The following TTC39C variants were observed in gnomAD, a reference collection of about 807,000 sequenced individuals.
TTC39C encodes the protein tetratricopeptide repeat protein 39C.
In TTC39C, 33 loss-of-function variants were observed where a neutral mutation model predicts 76.3. That is an observed-to-expected ratio of 0.43 (90% confidence interval 0.33 to 0.58). TTC39C has a LOEUF of 0.58. Ranked by LOEUF, TTC39C falls within the 20% of genes least tolerant of loss-of-function variation. The probability of loss-of-function intolerance (pLI) is 0.04; values close to 1 mark genes in which losing one functional copy is unlikely to be tolerated. For missense variants in TTC39C, 595 were observed against 701.4 expected (o/e 0.85, Z 1.71); for synonymous variants, 254 against 260.6 (o/e 0.97, Z 0.24).
intron 1 of TTC39C, among the ~76,000 whole-genome samples, chr18:24,043,995 T>C (rs2083830068): frequency 6.6e-6 from 1 of 152,170 alleles, no homozygotes; most frequent in Non-Finnish European, 1.5e-5. Context: ...TTTTCACCTA[T>C]GGGAATTAAA....
chr18:24,060,989 C>T (rs1406649789), intron 1 of TTC39C, among the ~76,000 whole-genome samples: 1 of 152,072 alleles, frequency 6.6e-6, no homozygotes, highest in Non-Finnish European at 1.5e-5. Flanking sequence ...ACATTTAAGT[C>T]ACTTTCTTTT....
intron 10 of TTC39C, among the ~76,000 whole-genome samples, chr18:24,126,184 C>T (rs2085049104): frequency 6.6e-6 from 1 of 151,830 alleles, no homozygotes; most frequent in East Asian, 1.9e-4. Flanking sequence ...GGAGATCCTG[C>T]CTACAAAAGA....
At chr18:24,053,857 A>G (rs1430782135) in intron 1 of TTC39C, among the ~76,000 whole-genome samples, 1 of 152,188 alleles carries the variant, frequency 6.6e-6, no homozygotes, top group East Asian at 1.9e-4. Context: ...TCAGATTATC[A>G]GACTCCTTAT....
intron 5 of TTC39C, 87 bp from the exon 6 acceptor site, chr18:24,082,826 T>C (rs2084393182): frequency 1.5e-6 from 2 of 1,369,758 alleles, no homozygotes; most frequent in South Asian, 1.6e-5. Context: ...TAGAGTAGTA[T>C]TGGAAGAACA....
chr18:24,034,254 A>G (rs890845399), intron 1 of TTC39C, among the ~76,000 whole-genome samples: 9 of 152,262 alleles, frequency 5.9e-5, no homozygotes, highest in African/African-American at 1.9e-4. Flanking sequence ...TCACAGTTCA[A>G]AGTACGACAG....
At chr18:24,059,418 A>C (rs113774003) in intron 1 of TTC39C, among the ~76,000 whole-genome samples, 1 of 152,042 alleles carries the variant, frequency 6.6e-6, no homozygotes, top group Non-Finnish European at 1.5e-5. Context: ...CTATGTGTCC[A>C]TATGTTCTCA....
intron 6 of TTC39C, among the ~76,000 whole-genome samples, chr18:24,089,291 A>G (rs1255857547): frequency 1.3e-5 from 2 of 152,216 alleles, no homozygotes; most frequent in Non-Finnish European, 2.9e-5. Flanking sequence ...TTGGAACAGC[A>G]TGCCTTGTCA....
intron 5 of TTC39C, among the ~76,000 whole-genome samples, chr18:24,081,539 G>A (rs1273073533): frequency 6.6e-6 from 1 of 152,064 alleles, no homozygotes; most frequent in Non-Finnish European, 1.5e-5. Context: ...TTGTTTGTTT[G>A]TTTTAGTCTG....
rs541191475 is a variant in TTC39C, at chr18:24,005,680, T to TAA, written c.-17+12656_-17+12657dup. 2.2e-4 allele frequency among the ~76,000 whole-genome samples: 30 copies of TAA among 135,230 alleles called. 1 individual carries two copies. The highest frequency in any genetic ancestry group is 2.1e-3 in the South Asian group (9 of 4,248). 88.7% of individuals were successfully genotyped at this position (135,230 alleles called of 152,430 possible). A position where few individuals can be genotyped will look rare whatever the true frequency, so the allele number is the denominator to read the frequency against. ...GGGCAACAAAGCGAGACCCTGTCTCTAAAAAAAAAAAAAAATTAAAAATAA... is the reference window on the plus strand; with the variant it reads ...GGGCAACAAAGCGAGACCCTGTCTCTAAAAAAAAAAAAAAAAATTAAAAATAA... On this transcript the variant is annotated intron_variant, in intron 1 of 13. Transcript: ENST00000304621.
intron 1 of TTC39C, among the ~76,000 whole-genome samples, chr18:24,047,939 TA>T (rs1209607040): frequency 6.6e-6 from 1 of 152,154 alleles, no homozygotes; most frequent in African/African-American, 2.4e-5. Context: ...TATGTACTCA[TA>T]AAAATTAAAA....
intron 8 of TTC39C, among the ~76,000 whole-genome samples, chr18:24,118,963 G>T (rs1324601782): frequency 1.3e-5 from 2 of 152,148 alleles, no homozygotes; most frequent in African/African-American, 4.8e-5. Context: ...ATCTGTGCTA[G>T]TATTTTTGTT....
intron 1 of TTC39C, among the ~76,000 whole-genome samples, chr18:24,001,968 G>A (rs1203601452): frequency 1.3e-5 from 2 of 151,988 alleles, no homozygotes; most frequent in African/African-American, 4.8e-5. Flanking sequence ...TGGGACTACA[G>A]GCGCCCGCCA....
intron 1 of TTC39C, among the ~76,000 whole-genome samples, chr18:23,994,661 C>T (rs771814342): frequency 7.2e-5 from 11 of 152,334 alleles, no homozygotes; most frequent in South Asian, 2.1e-4. Context: ...ATGCACCCAA[C>T]GTTAACACTC....
At chr18:24,075,878 T>TA (rs1214585506) in intron 4 of TTC39C, among the ~76,000 whole-genome samples, 2 of 152,116 alleles carry the variant, frequency 1.3e-5, no homozygotes, top group African/African-American at 2.4e-5. Flanking sequence ...TGTAACTTGA[T>TA]ATTCCCATTT....
At position 24,018,624 on chromosome 18, in the gene TTC39C, A is replaced by G. The variant is rs555085884; in HGVS notation, c.167+3586A>G. On this transcript the variant is annotated intron_variant, in intron 1 of 13. Transcript: ENST00000317571. ...GAGAAGCAGCGTCTAACTCAGCCTG[A>G]AGGACAGTTTTGTGGAGGAAATGAT... is the stretch of plus-strand genomic sequence containing the variant. 7.4e-4 allele frequency among the ~76,000 whole-genome samples: 113 copies of G among 152,210 alleles called. 1 individual carries two copies. The highest frequency in any genetic ancestry group is 4.1e-3 in the South Asian group (20 of 4,820).
chr18:24,011,224 G>A (rs578015590), upstream of TTC39C, among the ~76,000 whole-genome samples: 3 of 152,330 alleles, frequency 2.0e-5, no homozygotes, highest in South Asian at 6.2e-4. Flanking sequence ...AGGTCCTGGA[G>A]CAGACCCTGA....
chr18:24,066,835 C>T (rs547973332), intron 3 of TTC39C, among the ~76,000 whole-genome samples: 12 of 152,312 alleles, frequency 7.9e-5, no homozygotes, highest in East Asian at 3.9e-4. Flanking sequence ...CCAAGTGTCC[C>T]GCCTCCTGAT....
chr18:24,131,066 C>T (rs1404526491), intron 12 of TTC39C, among the ~76,000 whole-genome samples: 17 of 58,032 alleles, frequency 2.9e-4, no homozygotes, highest in African/African-American at 9.0e-4. Context: ...AATCAAAAAA[C>T]ATAGTCAGGC....
chr18:23,997,661 A>AGAAAGAAAGAAG (rs780900575), intron 1 of TTC39C, among the ~76,000 whole-genome samples: 19,837 of 91,870 alleles, frequency 0.22, 3,334 homozygotes, highest in South Asian at 0.27. Flanking sequence ...GGAGAAAGAA[A>AGAAAGAAAGAAG]GAAAGAAAGA....
Sources: allele counts gnomAD v4.1 joint callset (sites outside exome capture counted in the v4.1 genomes callset), GRCh38; gene constraint gnomAD v4.1.1; transcripts MANE v1.5; gene names NCBI Gene and HGNC (gene_info 2026-07-23, HGNC 2026-07-21).